The following LRP1B variants were observed in gnomAD, a reference collection of about 807,000 sequenced individuals.
LRP1B encodes LDL receptor related protein 1B.
In LRP1B, 217 loss-of-function variants were observed where a neutral mutation model predicts 556.6. The ratio of observed to expected loss-of-function variants is 0.39; its 90% confidence interval spans 0.35 to 0.44. The LOEUF (loss-of-function observed/expected upper bound fraction) is 0.44, where lower values mean the gene tolerates loss of function less well. Among genes scored for constraint, LRP1B ranks in the 20% least tolerant of loss-of-function variants. The probability of loss-of-function intolerance (pLI) is 1.00; values close to 1 mark genes in which losing one functional copy is unlikely to be tolerated. For missense variants in LRP1B, 5,053 were observed against 5,620.8 expected (o/e 0.90, Z 3.23); for synonymous variants, 2,047 against 1,865.8 (o/e 1.10, Z -2.50).
At chr2:140,807,748 A>C (rs1377965156) in intron 32 of LRP1B, among the ~76,000 whole-genome samples, 3 of 152,190 alleles carry the variant, frequency 2.0e-5, no homozygotes, top group Admixed American at 2.0e-4. Context: ...ATAATTTTAG[A>C]GCAACTAGTT....
chr2:141,011,062 G>T (rs1453417557), intron 14 of LRP1B, among the ~76,000 whole-genome samples: 3 of 132,362 alleles, frequency 2.3e-5, no homozygotes, highest in Non-Finnish European at 3.2e-5. Flanking sequence ...CATATAATTT[G>T]TATTCTCTCA....
chr2:140,636,008 G>C (rs1201454570), intron 41 of LRP1B, among the ~76,000 whole-genome samples: 1 of 151,974 alleles, frequency 6.6e-6, no homozygotes, highest in African/African-American at 2.4e-5. Flanking sequence ...TAAATTTCCA[G>C]TTCACAAGTC....
chr2:141,575,220 G>T (rs373000253), intron 2 of LRP1B, among the ~76,000 whole-genome samples: 2 of 152,136 alleles, frequency 1.3e-5, no homozygotes, highest in Non-Finnish European at 2.9e-5. Flanking sequence ...ATACTACAAG[G>T]CTACAGTAAC....
intron 2 of LRP1B, among the ~76,000 whole-genome samples, chr2:141,808,394 A>G (rs1696230852): frequency 6.6e-6 from 1 of 152,092 alleles, no homozygotes; most frequent in South Asian, 2.1e-4. Flanking sequence ...TAAAGAGGAG[A>G]GAATTTCTAG....
chr2:141,582,827 CTTTTT>C (rs869158175), intron 2 of LRP1B, among the ~76,000 whole-genome samples: 54 of 71,782 alleles, frequency 7.5e-4, no homozygotes, highest in African/African-American at 2.8e-3. Context: ...ACCTATTAAA[CTTTTT>C]TTTTTTTTTT....
At chr2:140,782,151 G>A (rs918906614) in intron 32 of LRP1B, among the ~76,000 whole-genome samples, 1 of 152,138 alleles carries the variant, frequency 6.6e-6, no homozygotes, top group Non-Finnish European at 1.5e-5. Context: ...CTGTACGTAA[G>A]CAGGGAGCTA....
At chr2:140,528,737 T>C (rs1336048135) in intron 47 of LRP1B, among the ~76,000 whole-genome samples, 1 of 151,794 alleles carries the variant, frequency 6.6e-6, no homozygotes, top group Non-Finnish European at 1.5e-5. Flanking sequence ...GGGATTAATA[T>C]TGCCTTCATT....
chr2:142,103,663 C>G (rs967067609), intron 1 of LRP1B, among the ~76,000 whole-genome samples: 1 of 151,966 alleles, frequency 6.6e-6, no homozygotes, highest in Non-Finnish European at 1.5e-5. Context: ...GCATTTTTGT[C>G]TTTCCCAAAT....
At chr2:140,294,668 T>C (rs1443546179) in intron 84 of LRP1B, among the ~76,000 whole-genome samples, 2 of 152,114 alleles carry the variant, frequency 1.3e-5, no homozygotes, top group African/African-American at 4.8e-5. Context: ...CTAGGATGGA[T>C]AGTAATAGGG....
At position 140,989,567 on chromosome 2, in the gene LRP1B, C is replaced by G. The variant is rs1326597888; in HGVS notation, c.2735G>C (p.Gly912Ala). Residue 912 changes from glycine (G) to alanine (A), a missense_variant, in exon 17 of 91, where the codon GGG becomes GCG. Gly to Ala is a moderately conservative substitution (Grantham distance 60). Around this residue, in one of 5 missense-constraint regions of LRP1B, gnomAD observed 3,619 missense variants for 3,931.9 expected, o/e 0.92. Transcript: ENST00000389484. The part of the protein sequence containing the change: ...RWLCDGANDC[G>A]SNEDESNQTC... ...TTGATTGGATTCATCTTCATTGCTC[C>G]CACAGTCATTAGCTCCATCACAAAG... is the stretch of plus-strand genomic sequence containing the variant. 1 of 1,613,288 alleles carries G rather than the reference C, an allele frequency of 6.2e-7. No individual in the cohort carries two copies. Among genetic ancestry groups the G allele is most frequent in the Non-Finnish European group, 8.5e-7 (1 of 1,179,446 alleles).
At chr2:140,575,647 G>C (rs1466311660) in intron 43 of LRP1B, among the ~76,000 whole-genome samples, 2 of 152,016 alleles carry the variant, frequency 1.3e-5, no homozygotes, top group Non-Finnish European at 2.9e-5. Context: ...AATCAGGCTG[G>C]GCGCTGTGGT....
intron 1 of LRP1B, among the ~76,000 whole-genome samples, chr2:141,941,582 G>A (rs764229437): frequency 3.3e-5 from 5 of 152,286 alleles, no homozygotes; most frequent in Admixed American, 1.3e-4. Context: ...TGGTTAGGAT[G>A]GGAAAGGAAG....
In LRP1B at chr2:141,014,984, T is replaced by A. The variant is rs368641817; in HGVS notation, c.2190+712A>T. On this transcript the variant is annotated intron_variant, in intron 13 of 90. Transcript: ENST00000389484. ...GTTTTCTTTCCAAAAAGAAAAGAAA[T>A]GTAACTTAAAGGAAGCATTTTGGTC... Among the ~76,000 whole-genome samples, 62 of 152,168 alleles carry A rather than the reference T, an allele frequency of 4.1e-4. 1 individual carries two copies. The highest frequency in any genetic ancestry group is 1.5e-3 in the African/African-American group (61 of 41,538).
intron 2 of LRP1B, among the ~76,000 whole-genome samples, chr2:141,728,387 C>T (rs992791966): frequency 3.3e-5 from 5 of 152,122 alleles, no homozygotes; most frequent in Non-Finnish European, 5.9e-5. Context: ...TGAGCCCTGA[C>T]TTCAATCAGG....
intron 7 of LRP1B, among the ~76,000 whole-genome samples, chr2:141,071,403 T>C (rs928245695): frequency 1.3e-5 from 2 of 151,992 alleles, no homozygotes; most frequent in African/African-American, 4.8e-5. Context: ...AATATCATAC[T>C]GAATGGGCAA....
At chr2:140,736,449 G>C (rs1687949287) in intron 35 of LRP1B, among the ~76,000 whole-genome samples, 1 of 152,114 alleles carries the variant, frequency 6.6e-6, no homozygotes, top group Admixed American at 6.6e-5. Flanking sequence ...AGCAAAGCTG[G>C]AGGCATCATG....
intron 1 of LRP1B, among the ~76,000 whole-genome samples, chr2:142,106,250 A>T (rs1706742635): frequency 6.6e-6 from 1 of 152,202 alleles, no homozygotes; most frequent in Non-Finnish European, 1.5e-5. Flanking sequence ...AAAGAAATAA[A>T]GATTGCAAAA....
intron 59 of LRP1B, among the ~76,000 whole-genome samples, chr2:140,478,520 C>A (rs994487923): frequency 6.6e-6 from 1 of 152,072 alleles, no homozygotes; most frequent in Non-Finnish European, 1.5e-5. Context: ...AAAGTGATAA[C>A]TGAGAATATA....
intron 41 of LRP1B, 84 bp from the exon 42 acceptor site, chr2:140,601,723 A>C: frequency 2.6e-6 from 2 of 767,334 alleles, no homozygotes; most frequent in Non-Finnish European, 1.9e-6. Flanking sequence ...TAAGACATAC[A>C]TGTATACCTG....
Sources: allele counts gnomAD v4.1 joint callset (sites outside exome capture counted in the v4.1 genomes callset), GRCh38; gene constraint gnomAD v4.1.1; regional missense constraint gnomAD v4.1.1; transcripts MANE v1.5; gene names NCBI Gene and HGNC (gene_info 2026-07-23, HGNC 2026-07-21).